The following CSMD3 variants were observed in gnomAD, a reference collection of about 807,000 sequenced individuals.
The protein encoded by CSMD3 is CUB and Sushi multiple domains 3.
In CSMD3, 177 loss-of-function variants were observed where a neutral mutation model predicts 435.2. The observed-to-expected ratio is 0.41, with a 90% CI of 0.36 to 0.46. The LOEUF (loss-of-function observed/expected upper bound fraction) is 0.46, where lower values mean the gene tolerates loss of function less well. CSMD3 is among the 20% of genes least tolerant of loss of function. The probability of loss-of-function intolerance (pLI) is 0.34; values close to 1 mark genes in which losing one functional copy is unlikely to be tolerated. For synonymous variants in CSMD3, 1,656 were observed against 1,520.5 expected, an observed-to-expected ratio of 1.09 and a Z score of -2.07; for missense variants, 4,265 against 4,504.6, an observed-to-expected ratio of 0.95 and a Z score of 1.52.
intron 32 of CSMD3, among the ~76,000 whole-genome samples, chr8:112,421,139 T>C (rs1355609724): frequency 6.6e-6 from 1 of 151,928 alleles, no homozygotes; most frequent in Non-Finnish European, 1.5e-5. Flanking sequence ...CTCTTTAACT[T>C]GGGCTCTAGC....
At chr8:113,182,041 C>T (rs1482078768) in intron 3 of CSMD3, among the ~76,000 whole-genome samples, 1 of 151,928 alleles carries the variant, frequency 6.6e-6, no homozygotes, top group Non-Finnish European at 1.5e-5. Context: ...TAATCCATCA[C>T]CAAATAATTA....
chr8:113,405,579 A>G (rs575131034), intron 1 of CSMD3, among the ~76,000 whole-genome samples: 3 of 151,830 alleles, frequency 2.0e-5, no homozygotes, highest in East Asian at 1.9e-4. Context: ...TCAGTTTCAC[A>G]GGAAGCATCA....
intron 5 of CSMD3, among the ~76,000 whole-genome samples, chr8:113,029,323 A>C (rs988216502): frequency 1.3e-5 from 2 of 151,518 alleles, no homozygotes; most frequent in Non-Finnish European, 3.0e-5. Context: ...GCATAACCAA[A>C]AAAGAAAACT....
chr8:112,429,046 G>A (rs1389790333), intron 32 of CSMD3, among the ~76,000 whole-genome samples: 1 of 152,068 alleles, frequency 6.6e-6, no homozygotes, highest in African/African-American at 2.4e-5. Context: ...TTTTTGTGGT[G>A]AGCACATTTT....
chr8:112,401,339 T>A (rs1831323208), intron 35 of CSMD3, among the ~76,000 whole-genome samples: 1 of 152,092 alleles, frequency 6.6e-6, no homozygotes, highest in Non-Finnish European at 1.5e-5. Context: ...TTTTTTTAAT[T>A]TTTCCTTTTC....
At chr8:112,261,751 T>C (rs914043873) in intron 61 of CSMD3, among the ~76,000 whole-genome samples, 14 of 152,076 alleles carry the variant, frequency 9.2e-5, no homozygotes, top group Admixed American at 8.5e-4. Context: ...TGCAAGTGGC[T>C]GTGTCAATTT....
chr8:113,299,521 G>A (rs1323528004), intron 2 of CSMD3, among the ~76,000 whole-genome samples: 3 of 152,062 alleles, frequency 2.0e-5, no homozygotes, highest in African/African-American at 7.2e-5. Context: ...AGCATATTGA[G>A]CCTTTAATTG....
chr8:113,357,517 A>T (rs991035336), intron 1 of CSMD3, among the ~76,000 whole-genome samples: 6 of 152,200 alleles, frequency 3.9e-5, no homozygotes, highest in Non-Finnish European at 7.3e-5. Flanking sequence ...AAAATGAAAG[A>T]AGTATAAAAT....
chr8:112,505,143 G>A (rs1822367462), intron 29 of CSMD3, among the ~76,000 whole-genome samples: 1 of 152,044 alleles, frequency 6.6e-6, no homozygotes, highest in Non-Finnish European at 1.5e-5. Flanking sequence ...AGAAAGAATG[G>A]GATAGTGCAG....
intron 5 of CSMD3, among the ~76,000 whole-genome samples, chr8:113,080,061 G>A (rs1234875199): frequency 3.9e-5 from 6 of 152,072 alleles, no homozygotes; most frequent in Admixed American, 1.3e-4. Flanking sequence ...TCTCTTAGGG[G>A]AAGGACAGAG....
intron 13 of CSMD3, among the ~76,000 whole-genome samples, chr8:112,797,821 C>G (rs1235069496): frequency 6.6e-6 from 1 of 151,788 alleles, no homozygotes; most frequent in Non-Finnish European, 1.5e-5. Context: ...AATGCAAAAA[C>G]ATGATTTTCA....
At chr8:112,621,219 G>C (rs867530963) in intron 22 of CSMD3, among the ~76,000 whole-genome samples, 56 of 151,970 alleles carry the variant, frequency 3.7e-4, no homozygotes, top group African/African-American at 1.4e-3. Flanking sequence ...TGGGCAATAA[G>C]AGCGAAACTC....
intron 22 of CSMD3, among the ~76,000 whole-genome samples, chr8:112,613,744 A>T (rs1833445332): frequency 1.3e-5 from 2 of 152,190 alleles, no homozygotes; most frequent in South Asian, 4.1e-4. Flanking sequence ...CATAAAAAAA[A>T]GAGCAAGAAA....
intron 3 of CSMD3, among the ~76,000 whole-genome samples, chr8:113,271,339 C>T (rs2093524342): frequency 6.6e-6 from 1 of 152,096 alleles, no homozygotes; most frequent in South Asian, 2.1e-4. Flanking sequence ...CGTCCCATTA[C>T]AGACCTGGAA....
chr8:112,410,663 T>C lies in CSMD3; in HGVS notation c.5396-1631A>G, dbSNP rs1832315057. On this transcript the variant is annotated intron_variant, in intron 32 of 70. Transcript: ENST00000297405. ...GTATATATATATGTGTATATATATG[T>C]ATATATATATGTGTATATATATATG... is the stretch of plus-strand genomic sequence containing the variant. 1.8e-5 allele frequency among the ~76,000 whole-genome samples: 2 copies of C among 113,334 alleles called. 1 individual carries two copies. Among genetic ancestry groups the C allele is most frequent in the Non-Finnish European group, 3.8e-5 (2 of 52,948 alleles). The allele number at this position is 113,334 out of a possible 152,430, so 74.4% of individuals were successfully genotyped here. A position where few individuals can be genotyped will look rare whatever the true frequency, so the allele number is the denominator to read the frequency against.
chr8:112,770,403 CA>C (rs1330939889), intron 13 of CSMD3, among the ~76,000 whole-genome samples: 14 of 152,178 alleles, frequency 9.2e-5, no homozygotes, highest in East Asian at 3.9e-4. Context: ...ATCTTGGAAA[CA>C]GATACTTTAT....
In CSMD3 at chr8:112,599,119, A is replaced by G. The variant is rs1437814322; in HGVS notation, c.3716-11884T>C. Among the ~76,000 whole-genome samples the G allele has an allele frequency of 2.8e-3, 418 of 148,144 alleles. 1 individual carries two copies. The highest frequency in any genetic ancestry group is 3.8e-3 in the Admixed American group (56 of 14,878). ...GGGAGAAAATTTTCGCAACCTACTC[A>G]TCTGACAAAGGGCTAATATCCAGAA... On this transcript the variant is annotated intron_variant, in intron 22 of 70. Coordinates refer to ENST00000297405, the MANE Select transcript of CSMD3 (RefSeq NM_198123.2).
At chr8:112,317,490 C>T (rs984198463) in intron 47 of CSMD3, among the ~76,000 whole-genome samples, 1 of 151,904 alleles carries the variant, frequency 6.6e-6, no homozygotes, top group Non-Finnish European at 1.5e-5. Context: ...AAAGGTTGAG[C>T]CTCTGTCTTC....
chr8:112,309,025 A>C (rs1162730587), intron 50 of CSMD3, among the ~76,000 whole-genome samples: 1 of 152,054 alleles, frequency 6.6e-6, no homozygotes, highest in Admixed American at 6.5e-5. Flanking sequence ...ATTAGAAAAG[A>C]TCAATTTTTG....
Sources: gnomAD v4.1 joint callset for allele counts (sites outside exome capture counted in the v4.1 genomes callset) on GRCh38, gnomAD v4.1.1 for gene constraint, MANE v1.5 for transcripts, NCBI Gene and HGNC (gene_info 2026-07-23, HGNC 2026-07-21) for gene names.